Variants in KCNIP4 observed in about 807,000 individuals in gnomAD.
KCNIP4 encodes the protein Kv channel-interacting protein 4.
A neutral mutation model predicts 34.0 loss-of-function variants in KCNIP4; 12 were observed. That is an observed-to-expected ratio of 0.35 (90% CI 0.23 to 0.57). The LOEUF is 0.57. Among genes scored for constraint, KCNIP4 ranks in the 20% least tolerant of loss-of-function variants. The probability of loss-of-function intolerance (pLI) is 0.83; values close to 1 mark genes in which losing one functional copy is unlikely to be tolerated. For missense variants in KCNIP4, 238 were observed against 311.7 expected, an observed-to-expected ratio of 0.76 and a Z score of 1.78; for synonymous variants, 124 against 102.2, an observed-to-expected ratio of 1.21 and a Z score of -1.29.
At chr4:20,782,029 T>C (rs562785038) in intron 3 of KCNIP4, among the ~76,000 whole-genome samples, 2 of 152,060 alleles carry the variant, frequency 1.3e-5, no homozygotes, top group South Asian at 4.1e-4. Context: ...AACAAAGGGG[T>C]CACAGGGCCC....
At chr4:21,723,437 T>C (rs1464347117) in intron 1 of KCNIP4, among the ~76,000 whole-genome samples, 2 of 152,104 alleles carry the variant, frequency 1.3e-5, no homozygotes, top group African/African-American at 2.4e-5. Context: ...ATGTTAGGCC[T>C]TCACCTAGTA....
chr4:21,865,081 C>CTT (rs368547106), intron 1 of KCNIP4, among the ~76,000 whole-genome samples: 99 of 151,144 alleles, frequency 6.6e-4, no homozygotes, highest in African/African-American at 2.4e-3. Context: ...TATTGCCTCT[C>CTT]TTTTTTTTTC....
chr4:21,138,456 T>C (rs1265713543), intron 1 of KCNIP4, among the ~76,000 whole-genome samples: 1 of 152,100 alleles, frequency 6.6e-6, no homozygotes, highest in Non-Finnish European at 1.5e-5. Flanking sequence ...CACTTACTAA[T>C]CCTAAAAGCC....
chr4:21,220,274 A>G (rs1399270340), intron 1 of KCNIP4, among the ~76,000 whole-genome samples: 1 of 152,184 alleles, frequency 6.6e-6, no homozygotes, highest in Non-Finnish European at 1.5e-5. Flanking sequence ...GGGTTGAGAC[A>G]ATTGATATAA....
At chr4:21,897,443 A>C (rs1727461602) in intron 1 of KCNIP4, among the ~76,000 whole-genome samples, 1 of 152,168 alleles carries the variant, frequency 6.6e-6, no homozygotes, top group Non-Finnish European at 1.5e-5. Context: ...ATCCTCGAAG[A>C]GTAAATAGAT....
intron 1 of KCNIP4, among the ~76,000 whole-genome samples, chr4:21,777,062 C>T (rs542913950): frequency 3.9e-5 from 6 of 152,220 alleles, no homozygotes; most frequent in South Asian, 2.1e-4. Flanking sequence ...CATGAGCTAC[C>T]GCACCCGGCC....
At chr4:21,216,602 A>G (rs535789606) in intron 1 of KCNIP4, among the ~76,000 whole-genome samples, 2 of 152,300 alleles carry the variant, frequency 1.3e-5, no homozygotes, top group East Asian at 3.9e-4. Context: ...ATAGTTAGGT[A>G]ACTTGTTCAA....
At chr4:21,167,585 G>C (rs1753721392) in intron 1 of KCNIP4, among the ~76,000 whole-genome samples, 1 of 152,146 alleles carries the variant, frequency 6.6e-6, no homozygotes, top group Non-Finnish European at 1.5e-5. Flanking sequence ...GAAGTTAAAT[G>C]CTTATTCGCT....
At chr4:21,000,642 G>C (rs564169994) in intron 1 of KCNIP4, among the ~76,000 whole-genome samples, 4 of 151,848 alleles carry the variant, frequency 2.6e-5, no homozygotes, top group Admixed American at 2.6e-4. Context: ...CCAAGATCGC[G>C]CTGTTGCACT....
intron 1 of KCNIP4, among the ~76,000 whole-genome samples, chr4:21,776,549 A>C (rs2109202637): frequency 6.6e-6 from 1 of 152,188 alleles, no homozygotes; most frequent in South Asian, 2.1e-4. Flanking sequence ...TCCTTTCCTA[A>C]GTTTCCTTTA....
chr4:20,889,802 A>C (rs1387307895), intron 1 of KCNIP4, among the ~76,000 whole-genome samples: 2 of 151,318 alleles, frequency 1.3e-5, no homozygotes, highest in Non-Finnish European at 2.9e-5. Context: ...GTCAACTCCC[A>C]TACCTCTGCA....
rs553169741 is a variant in KCNIP4 at position 21,472,848 on chromosome 4, G to T, written c.61+475723C>A. 2.6e-5 allele frequency among the ~76,000 whole-genome samples: 4 copies of T among 152,168 alleles called. No homozygotes were observed. The South Asian group carries it at 6.2e-4, about 24-fold the overall frequency. On this transcript the variant is annotated intron_variant, in intron 1 of 8. Transcript: ENST00000382152. ...AGTGTTAAAAATCCCTATATTCTAA[G>T]ATTATTATGAAGATGAGAGTTAATA...
chr4:21,617,271 T>C (rs1206072236), intron 1 of KCNIP4, among the ~76,000 whole-genome samples: 2 of 152,104 alleles, frequency 1.3e-5, no homozygotes, highest in Non-Finnish European at 2.9e-5. Context: ...TTAAATAAAG[T>C]TTTACAAAAC....
At chr4:21,497,715 A>G (rs1450330627) in intron 1 of KCNIP4, among the ~76,000 whole-genome samples, 1 of 152,166 alleles carries the variant, frequency 6.6e-6, no homozygotes, top group Admixed American at 6.6e-5. Context: ...ATCCTTCTAA[A>G]ATTTTACTGT....
intron 1 of KCNIP4, among the ~76,000 whole-genome samples, chr4:21,498,182 C>T (rs943374467): frequency 4.6e-5 from 7 of 152,152 alleles, no homozygotes; most frequent in Admixed American, 2.0e-4. Flanking sequence ...CTCAAATCTG[C>T]AACTGAGCAT....
intron 8 of KCNIP4, among the ~76,000 whole-genome samples, chr4:20,730,945 C>T (rs1747978296): frequency 6.6e-6 from 1 of 152,132 alleles, no homozygotes; most frequent in African/African-American, 2.4e-5. Context: ...TTAATTCTCT[C>T]AAAGACCACT....
chr4:21,205,727 C>T (rs1756808534), intron 1 of KCNIP4, among the ~76,000 whole-genome samples: 2 of 152,200 alleles, frequency 1.3e-5, no homozygotes, highest in South Asian at 4.1e-4. Context: ...AGAGACTCAG[C>T]AACTTGCCTG....
intron 1 of KCNIP4, among the ~76,000 whole-genome samples, chr4:21,667,312 T>G (rs1385275341): frequency 1.3e-5 from 2 of 152,180 alleles, no homozygotes; most frequent in Non-Finnish European, 2.9e-5. Flanking sequence ...CCACCTCTAT[T>G]CTTGATTTCA....
At chr4:21,303,624 T>G (rs2109248857) in intron 1 of KCNIP4, among the ~76,000 whole-genome samples, 1 of 152,326 alleles carries the variant, frequency 6.6e-6, no homozygotes, top group East Asian at 1.9e-4. Flanking sequence ...TGTGAAAACA[T>G]TACTGCAACT....
Sources: allele counts gnomAD v4.1 joint callset (sites outside exome capture counted in the v4.1 genomes callset), GRCh38; gene constraint gnomAD v4.1.1; transcripts MANE v1.5; gene names NCBI Gene and HGNC (gene_info 2026-07-23, HGNC 2026-07-21).